Variants in CGA observed in about 807,000 individuals in gnomAD.
CGA encodes the protein glycoprotein hormones alpha chain.
In CGA, 4 loss-of-function variants were observed where a neutral mutation model predicts 12.0. The observed-to-expected ratio is 0.33, with a 90% CI of 0.16 to 0.76. CGA has a LOEUF of 0.76. Among genes scored for constraint, CGA ranks in the 30% least tolerant of loss-of-function variants. CGA has a pLI of 0.60. For synonymous variants in CGA, 60 were observed against 56.6 expected, an observed-to-expected ratio of 1.06 and a Z score of -0.27; for missense variants, 102 against 143.5, an observed-to-expected ratio of 0.71 and a Z score of 1.48.
chr6:87,086,664 T>A (rs533718809), intron 2 of CGA: 3 of 448,400 alleles, frequency 6.7e-6, no homozygotes, highest in African/African-American at 4.0e-5. Context: ...TGCACACCTG[T>A]AGTCCCAGCT....
chr6:87,089,630 T>C (rs929815516), intron 1 of CGA, among the ~76,000 whole-genome samples: 1 of 152,224 alleles, frequency 6.6e-6, no homozygotes, highest in Non-Finnish European at 1.5e-5. Flanking sequence ...TTATTTTTCA[T>C]GTAGACTGAC....
intron 1 of CGA, among the ~76,000 whole-genome samples, 164 bp from the exon 2 acceptor site, chr6:87,088,371 T>C (rs1769367703): frequency 1.3e-5 from 2 of 151,974 alleles, no homozygotes; most frequent in South Asian, 4.1e-4. Context: ...AACCATGTAA[T>C]TTTTTTTAAA....
At chr6:87,085,872 T>C (rs777807459) in intron 3 of CGA, 39 bp from the exon 4 acceptor site, 1 of 1,343,088 alleles carries the variant, frequency 7.4e-7, no homozygotes, top group Non-Finnish European at 1.1e-6. Context: ...ATAGATTAGA[T>C]GATAGATAGA....
At chr6:87,089,178 A>C (rs1769383713) in intron 1 of CGA, 1 of 152,238 alleles carries the variant, frequency 6.6e-6, no homozygotes, top group African/African-American at 2.4e-5. Context: ...CTGTGGAAAT[A>C]ACAAAATTAT....
rs1324559266 is a variant in CGA, at chr6:87,092,024, G to GA, written c.-8+2988dup. Among the ~76,000 whole-genome samples the GA allele has an allele frequency of 6.6e-5, 10 of 151,894 alleles. No individual in the cohort carries two copies. In the East Asian group the frequency reaches 1.7e-3, roughly 26 times the overall value. ...AGACTCCGTCTCAAAAAGAAAGAAA[G>GA]AAAGAAAAGAAAAGAAGTGGGCATC... On this transcript the variant is annotated intron_variant, in intron 1 of 3. Transcript: ENST00000627148.
intron 1 of CGA, among the ~76,000 whole-genome samples, chr6:87,094,486 A>G (rs921895247): frequency 6.6e-6 from 1 of 152,232 alleles, no homozygotes; most frequent in South Asian, 2.1e-4. Context: ...ATTAAAGAAG[A>G]AAAATGAAAA....
intron 1 of CGA, chr6:87,089,154 C>T (rs1244796137): frequency 6.6e-6 from 1 of 152,030 alleles, no homozygotes; most frequent in African/African-American, 2.4e-5. Context: ...CTATATGATT[C>T]CATTTATATA....
chr6:87,087,071 T>G (rs1582319125), intron 2 of CGA, among the ~76,000 whole-genome samples: 1 of 152,206 alleles, frequency 6.6e-6, no homozygotes, highest in Non-Finnish European at 1.5e-5. Flanking sequence ...AGAACGAGAC[T>G]CTGTCTCAAA....
intron 1 of CGA, among the ~76,000 whole-genome samples, chr6:87,093,608 T>A (rs750227598): frequency 6.6e-6 from 1 of 152,206 alleles, no homozygotes; most frequent in Non-Finnish European, 1.5e-5. Flanking sequence ...GTAAGTTCAC[T>A]CCTGTAAATT....
At chr6:87,086,134 T>C in intron 3 of CGA, 116 bp downstream of exon 3, 2 of 906,480 alleles carry the variant, frequency 2.2e-6, no homozygotes, top group Non-Finnish European at 3.5e-6. Context: ...CCTGTACAAA[T>C]GCTCGACAGA....
At chr6:87,086,210 T>C in intron 3 of CGA, 40 bp downstream of exon 3, 1 of 1,550,544 alleles carries the variant, frequency 6.4e-7, no homozygotes, top group South Asian at 1.2e-5. Flanking sequence ...TTTCTCTGAT[T>C]GGGCTGTTAG....
chr6:87,088,918 G>C (rs1397924132), intron 1 of CGA: 1 of 152,140 alleles, frequency 6.6e-6, no homozygotes, highest in East Asian at 1.9e-4. Flanking sequence ...GAGAAATGAA[G>C]ACTATGTTCA....
chr6:87,086,250 C>T lies in CGA; in HGVS notation c.273G>A (p.Arg91=). Residue 91 remains arginine, a splice_region_variant and synonymous_variant, in exon 3 of 4, where the codon AGG becomes AGA. Coordinates refer to ENST00000627148, the MANE Select transcript of CGA (RefSeq NM_000735.4). ...CTTCTGGGGATCTTGAGGTTCTTAC[C>T]CTGTTATATGATTTAGCTACACAGC... ...STCCVAKSYN[R]VTVMGGFKVE... is the part of the protein sequence containing the mutation. 1 of 1,608,214 alleles carries T rather than the reference C, an allele frequency of 6.2e-7. No homozygotes were observed. Among genetic ancestry groups the T allele is most frequent in the Non-Finnish European group, 8.5e-7 (1 of 1,177,930 alleles).
At chr6:87,087,980 C>G (rs1179276796) in intron 2 of CGA, 133 bp downstream of exon 2, 2 of 454,562 alleles carry the variant, frequency 4.4e-6, no homozygotes, top group Non-Finnish European at 7.8e-6. Context: ...TCTACAAGTG[C>G]CTAGATATGA....
chr6:87,090,648 G>T (rs7739548), intron 1 of CGA, among the ~76,000 whole-genome samples: 72,130 of 127,436 alleles, frequency 0.57, 20,608 homozygotes, highest in East Asian at 0.66. Flanking sequence ...TTTTTTTTTT[G>T]TTTTTTTGAG....
Position 87,085,638 on chromosome 6 carries a change from G to T in CGA, c.*118C>A. Reference sequence around the variant, plus strand: ...AAGCTGCAGTATATCCTTGAAGCGTGTCAAAGTGGTATGGTAAGGAAAAGG... The same window carrying T: ...AAGCTGCAGTATATCCTTGAAGCGTTTCAAAGTGGTATGGTAAGGAAAAGG... On this transcript the variant is annotated 3_prime_UTR_variant, in exon 4 of 4. Coordinates refer to ENST00000627148, the MANE Select transcript of CGA (RefSeq NM_000735.4). 1 of 715,710 alleles carries T rather than the reference G, an allele frequency of 1.4e-6. No individual in the cohort carries two copies. The highest frequency in any genetic ancestry group is 2.5e-6 in the Non-Finnish European group (1 of 398,440). 44.3% of individuals were successfully genotyped at this position (715,710 alleles called of 1,614,324 possible).
intron 1 of CGA, among the ~76,000 whole-genome samples, chr6:87,090,836 C>T (rs111429440): frequency 0.061 from 8,844 of 145,908 alleles, 335 homozygotes; most frequent in Middle Eastern, 0.18. Context: ...TTAGTAGAGA[C>T]GGGGTTTCAG....
chr6:87,094,084 C>A (rs986854024), intron 1 of CGA, among the ~76,000 whole-genome samples: 1 of 61,700 alleles, frequency 1.6e-5, no homozygotes, highest in Non-Finnish European at 2.9e-5. Flanking sequence ...TTTTCAGAAA[C>A]TTTAAAAGAT....
chr6:87,093,963 C>G (rs1185982751), intron 1 of CGA, among the ~76,000 whole-genome samples: 1 of 152,134 alleles, frequency 6.6e-6, no homozygotes, highest in Non-Finnish European at 1.5e-5. Flanking sequence ...GATGACCACT[C>G]TTGTCTTTTT....
Sources: gnomAD v4.1 joint callset for allele counts (sites outside exome capture counted in the v4.1 genomes callset) on GRCh38, gnomAD v4.1.1 for gene constraint, MANE v1.5 for transcripts, NCBI Gene and HGNC (gene_info 2026-07-23, HGNC 2026-07-21) for gene names.